ZNF804A: variants seen among roughly 807,000 people sequenced by gnomAD.
ZNF804A encodes zinc finger protein 804A.
Under a neutral mutation model 16.5 loss-of-function variants are expected in ZNF804A, and 2 were observed. That is an observed-to-expected ratio of 0.12 (90% confidence interval 0.05 to 0.38). The LOEUF is 0.38. Among genes scored for constraint, ZNF804A ranks in the 10% least tolerant of loss-of-function variants. The probability of loss-of-function intolerance (pLI) is 0.99; values close to 1 mark genes in which losing one functional copy is unlikely to be tolerated. For synonymous variants in ZNF804A, 534 were observed against 489.6 expected (o/e 1.09, Z -1.20); for missense variants, 1,473 against 1,390.7 (o/e 1.06, Z -0.94).
At chr2:184,606,569 G>A (rs908302954) in intron 1 of ZNF804A, among the ~76,000 whole-genome samples, 2 of 152,108 alleles carry the variant, frequency 1.3e-5, no homozygotes, top group Non-Finnish European at 2.9e-5. Flanking sequence ...TGCTATGAAG[G>A]TATTTTGTAG....
At chr2:184,690,073 A>T (rs1271034600) in intron 1 of ZNF804A, among the ~76,000 whole-genome samples, 1 of 151,966 alleles carries the variant, frequency 6.6e-6, no homozygotes, top group Non-Finnish European at 1.5e-5. Flanking sequence ...TATTCTAATT[A>T]ATAACATGAA....
chr2:184,892,946 A>G (rs1000338284), intron 2 of ZNF804A, among the ~76,000 whole-genome samples: 1 of 152,154 alleles, frequency 6.6e-6, no homozygotes, highest in African/African-American at 2.4e-5. Context: ...GTTTTTTCAT[A>G]AAGAAAAATT....
intron 1 of ZNF804A, among the ~76,000 whole-genome samples, chr2:184,639,248 A>G (rs760673376): frequency 3.3e-5 from 5 of 151,636 alleles, no homozygotes; most frequent in Non-Finnish European, 4.4e-5. Context: ...TAATTTTGGT[A>G]TTTTTAGCAG....
chr2:184,703,196 G>A (rs995892882), intron 1 of ZNF804A, among the ~76,000 whole-genome samples: 11 of 152,142 alleles, frequency 7.2e-5, no homozygotes, highest in Non-Finnish European at 1.2e-4. Flanking sequence ...AAAAGTTTGA[G>A]TGTTATATAC....
intron 1 of ZNF804A, among the ~76,000 whole-genome samples, chr2:184,828,449 G>T (rs557805158): frequency 3.6e-4 from 55 of 150,786 alleles, no homozygotes; most frequent in African/African-American, 1.3e-3. Flanking sequence ...TTTTAATTTT[G>T]ATGGTCACAA....
intron 1 of ZNF804A, among the ~76,000 whole-genome samples, chr2:184,789,592 AT>A (rs1694502172): frequency 6.6e-6 from 1 of 151,860 alleles, no homozygotes; most frequent in Non-Finnish European, 1.5e-5. Flanking sequence ...GAATTTATTC[AT>A]TTCCTCTATG....
intron 1 of ZNF804A, among the ~76,000 whole-genome samples, chr2:184,625,171 T>C (rs907891946): frequency 6.6e-6 from 1 of 152,160 alleles, no homozygotes; most frequent in African/African-American, 2.4e-5. Flanking sequence ...TAATAATAAA[T>C]GTGGGTTTTT....
intron 2 of ZNF804A, among the ~76,000 whole-genome samples, chr2:184,869,141 A>T (rs1310456361): frequency 6.6e-6 from 1 of 152,024 alleles, no homozygotes; most frequent in African/African-American, 2.4e-5. Flanking sequence ...AATCTGAAAA[A>T]AAAATTTCTG....
chr2:184,723,994 A>G (rs1005733647), intron 1 of ZNF804A, among the ~76,000 whole-genome samples: 1 of 151,788 alleles, frequency 6.6e-6, no homozygotes, highest in South Asian at 2.1e-4. Flanking sequence ...GAAGATCCTT[A>G]TATACTGTAG....
At chr2:184,844,777 G>A (rs116218540) in intron 1 of ZNF804A, among the ~76,000 whole-genome samples, 281 of 151,832 alleles carry the variant, frequency 1.9e-3, no homozygotes, top group African/African-American at 6.1e-3. Flanking sequence ...GGGGAAGTCC[G>A]CAGCCATTGT....
Position 184,634,889 on chromosome 2 carries a change from A to G in ZNF804A, c.111+35819A>G, listed in dbSNP as rs542680848. 3.9e-5 allele frequency among the ~76,000 whole-genome samples: 6 copies of G among 152,336 alleles called. No homozygotes were observed. The South Asian group carries it at 1.2e-3, about 32-fold the overall frequency. On this transcript the variant is annotated intron_variant, in intron 1 of 3. Transcript: ENST00000302277. ...TTGTGGTATTTGTCAGGCTTAAATT[A>G]TTAATTGTTTATATTGGTCATTGAA...
intron 2 of ZNF804A, among the ~76,000 whole-genome samples, chr2:184,910,330 T>A (rs1685336378): frequency 1.3e-5 from 2 of 152,070 alleles, no homozygotes; most frequent in African/African-American, 2.4e-5. Flanking sequence ...CTGTATAGTA[T>A]TCCATGGTAT....
At chr2:184,828,531 AG>A (rs1382315304) in intron 1 of ZNF804A, among the ~76,000 whole-genome samples, 7 of 151,688 alleles carry the variant, frequency 4.6e-5, no homozygotes, top group Middle Eastern at 3.4e-3. Flanking sequence ...TTAAAAAAAA[AG>A]ATTATATACC....
chr2:184,911,000 T>C (rs1331141402), intron 2 of ZNF804A, among the ~76,000 whole-genome samples: 1 of 152,076 alleles, frequency 6.6e-6, no homozygotes, highest in Non-Finnish European at 1.5e-5. Flanking sequence ...CTTGTCAATT[T>C]TTGTTTTTAT....
intron 1 of ZNF804A, among the ~76,000 whole-genome samples, chr2:184,722,291 C>T (rs577100474): frequency 1.3e-5 from 2 of 151,824 alleles, no homozygotes; most frequent in African/African-American, 4.8e-5. Context: ...GTAAATCATC[C>T]GATGATTTAA....
intron 1 of ZNF804A, among the ~76,000 whole-genome samples, chr2:184,830,661 T>C (rs554155848): frequency 1.1e-4 from 16 of 152,160 alleles, no homozygotes; most frequent in Middle Eastern, 3.4e-3. Flanking sequence ...GAGTGGGGAA[T>C]TGGATTTAAA....
intron 3 of ZNF804A, 77 bp downstream of exon 3, chr2:184,933,810 G>A (rs989656903): frequency 5.6e-6 from 8 of 1,432,242 alleles, no homozygotes; most frequent in Admixed American, 5.2e-5. Flanking sequence ...GAAATAAAGG[G>A]CACAAATCTA....
intron 2 of ZNF804A, among the ~76,000 whole-genome samples, chr2:184,913,600 A>T (rs1258365204): frequency 6.6e-6 from 1 of 152,138 alleles, no homozygotes; most frequent in African/African-American, 2.4e-5. Flanking sequence ...GAGAAAATAA[A>T]GTCTCACATG....
At chr2:184,700,060 C>T (rs577650154) in intron 1 of ZNF804A, among the ~76,000 whole-genome samples, 1 of 152,062 alleles carries the variant, frequency 6.6e-6, no homozygotes, top group Non-Finnish European at 1.5e-5. Flanking sequence ...TTGCCTCAAT[C>T]TATTTCCAGA....
Sources: allele counts gnomAD v4.1 joint callset (sites outside exome capture counted in the v4.1 genomes callset), GRCh38; gene constraint gnomAD v4.1.1; transcripts MANE v1.5; gene names NCBI Gene and HGNC (gene_info 2026-07-23, HGNC 2026-07-21).